Variants in DNHD1 observed in about 807,000 individuals in gnomAD.
DNHD1 encodes the protein dynein heavy chain domain-containing protein 1.
DNHD1 carries 383 observed loss-of-function variants against 458.1 expected under a neutral mutation model. The observed-to-expected ratio is 0.84, with a 90% CI of 0.77 to 0.91. The LOEUF (loss-of-function observed/expected upper bound fraction) is 0.91. DNHD1 is among the 40% of genes least tolerant of loss of function. DNHD1 has a pLI of 0.00. For missense variants in DNHD1, 5,336 were observed against 5,866.1 expected, an observed-to-expected ratio of 0.91 and a Z score of 2.95; for synonymous variants, 2,203 against 2,376.9, an observed-to-expected ratio of 0.93 and a Z score of 2.13.
chr11:6,566,326 A>AC lies in DNHD1; in HGVS notation c.11143dup (p.Gln3715ProfsTer26). 1 of 1,552,812 alleles carries AC rather than the reference A, an allele frequency of 6.4e-7. No homozygotes were observed. Among genetic ancestry groups the AC allele is most frequent in the Non-Finnish European group, 8.7e-7 (1 of 1,147,758 alleles). The stretch of plus-strand genomic sequence containing the variant: ...TGCTGCAACGGGAGCAGCTGAGTCC[A>AC]CCCCAGGTGCAGCCTGGCTTCTGTC... On this transcript the variant is annotated frameshift_variant, in exon 34 of 43. Coordinates refer to ENST00000254579, the MANE Select transcript of DNHD1 (RefSeq NM_144666.3). LOFTEE classifies it high-confidence loss of function.
intron 24 of DNHD1, among the ~76,000 whole-genome samples, chr11:6,551,218 C>T (rs1303288086): frequency 2.6e-5 from 4 of 152,100 alleles, no homozygotes; most frequent in African/African-American, 9.7e-5. Flanking sequence ...TTAAAATTAA[C>T]ACACTTCTAA....
At chr11:6,564,197 C>T in intron 31 of DNHD1, 73 bp downstream of exon 31, 1 of 1,490,458 alleles carries the variant, frequency 6.7e-7, no homozygotes, top group Non-Finnish European at 9.0e-7. Flanking sequence ...CCTGTGCCCT[C>T]ACTGCCTCCC....
chr11:6,570,077 G>C lies in DNHD1; in HGVS notation c.12932G>C (p.Arg4311Pro). ...DQLWASLSNP[R>P]AAMQELAASV... The stretch of plus-strand genomic sequence containing the variant: ...CTGTGGGCAAGTCTTAGCAATCCCC[G>C]TGCTGCCATGCAAGAGCTGGCTGGT... The change falls in exon 40 of 43, where the codon CGT becomes CCT. Residue 4311 changes from arginine (R) to proline (P), a missense_variant. By Grantham distance (103) the Arg-to-Pro change is moderately radical. Transcript: ENST00000254579. 10 of 1,613,938 alleles carry C rather than the reference G, an allele frequency of 6.2e-6. No individual in the cohort carries two copies. The highest frequency in any genetic ancestry group is 8.5e-6 in the Non-Finnish European group (10 of 1,179,872).
rs1853731071 is a variant in DNHD1, at chr11:6,567,374, G to C, written c.11865G>C (p.Leu3955=). ...ATGKASELER[L]ALWPGLAASP... Reference sequence around the variant, plus strand: ...GGAAAGCATCAGAGCTGGAAAGACTGGCACTCTGGCCTGGACTAGCAGCCT... The same window carrying C: ...GGAAAGCATCAGAGCTGGAAAGACTCGCACTCTGGCCTGGACTAGCAGCCT... Residue 3955 remains leucine, a synonymous_variant, in exon 36 of 43, where the codon CTG becomes CTC. Transcript: ENST00000254579. 1.9e-6 allele frequency: 3 copies of C among 1,613,992 alleles called. No homozygotes were observed. The East Asian group carries it at 6.7e-5, about 36-fold the overall frequency.
rs757412558 is a variant in DNHD1, at chr11:6,548,395, C to G, written c.7091C>G (p.Ser2364Cys). 1 of 1,551,716 alleles carries G rather than the reference C, an allele frequency of 6.4e-7. No individual in the cohort carries two copies. Among genetic ancestry groups the G allele is most frequent in the South Asian group, 1.2e-5 (1 of 84,062 alleles). The change falls in exon 23 of 43, where the codon TCT (serine) becomes TGT (cysteine). Residue 2364 changes from serine to cysteine, a missense_variant. Physicochemically the swap from Ser to Cys is moderately radical, Grantham distance 112. This residue lies in a region of DNHD1 where 3,932 missense variants were observed against 4,365.6 expected (regional missense o/e 0.90). Transcript: ENST00000254579. This position sits in a 1 kb window ranked among gnomAD's most constrained non-coding sequence, Gnocchi z 4.4. Reference sequence around the variant, plus strand: ...GGAACTTTGGGCACCTTTCACCCTTCTATCCAGGTGTGAGGACAGTAAGGC... The same window carrying G: ...GGAACTTTGGGCACCTTTCACCCTTGTATCCAGGTGTGAGGACAGTAAGGC... ...IKGTLGTFHPSIQTERLLYVV... is the reference protein window; with the variant it reads ...IKGTLGTFHPCIQTERLLYVV...
chr11:6,563,554 AT>A lies in DNHD1; in HGVS notation c.9847del (p.Tyr3283IlefsTer12). 6.4e-7 allele frequency: 1 copy of A among 1,551,624 alleles called. No homozygotes were observed. The highest frequency in any genetic ancestry group is 8.7e-7 in the Non-Finnish European group (1 of 1,146,974). ...GCCAAACAGCTGTTATGCACTGAGG[AT>A]TTTTATCAGGTAGGAAGGGTGGAGC... ...ASAKQLLCTE[D>X]FYQELVFFPK... On this transcript the variant is annotated frameshift_variant, in exon 30 of 43. Coordinates refer to ENST00000254579, the MANE Select transcript of DNHD1 (RefSeq NM_144666.3). LOFTEE classifies it high-confidence loss of function.
chr11:6,547,377 G>A lies in DNHD1; in HGVS notation c.6438G>A (p.Trp2146Ter), dbSNP rs1385070982. 2.6e-6 allele frequency: 4 copies of A among 1,551,774 alleles called. No homozygotes were observed. The highest frequency in any genetic ancestry group is 2.6e-6 in the Non-Finnish European group (3 of 1,147,006). The change falls in exon 21 of 43, where the codon TGG becomes TGA. Residue 2146 changes from tryptophan to a stop codon, truncating the protein, a stop_gained. Transcript: ENST00000254579. LOFTEE classifies it high-confidence loss of function. ...TGGTAGGCTGTTGTGCCCTAGTCTG[G>A]TGTGGTGGAGAGCAGACTTGGCAGT... ...PTVVGCCALV[W>*]CGGEQTWQCI...
chr11:6,548,688 GA>G lies in DNHD1; in HGVS notation c.7143del (p.Gln2382SerfsTer21). ...LYVVDLLLSG[G>X]QPVLLAGEAA... is the part of the protein sequence containing the mutation. ...GTGGTGGACCTGCTTCTGTCAGGGG[GA>G]CAGCCAGTGTTGCTGGCTGGAGAGG... On this transcript the variant is annotated frameshift_variant, in exon 24 of 43. Transcript: ENST00000254579. LOFTEE classifies it high-confidence loss of function. This position sits in a 1 kb window ranked among gnomAD's most constrained non-coding sequence, Gnocchi z 4.4. The G allele has an allele frequency of 6.4e-7, 1 of 1,551,616 alleles. No individual in the cohort carries two copies. Among genetic ancestry groups the G allele is most frequent in the Non-Finnish European group, 8.7e-7 (1 of 1,146,950 alleles).
chr11:6,567,492 C>T lies in DNHD1; in HGVS notation c.11983C>T (p.Leu3995=), dbSNP rs1162459332. The T allele has an allele frequency of 7.4e-6, 12 of 1,613,572 alleles. No homozygotes were observed. The highest frequency in any genetic ancestry group is 6.7e-5 in the East Asian group (3 of 44,870). ...KAWHECEMLE[L]LPPFVGLCAS... ...CTGGCATGAATGTGAGATGTTAGAGCTGCTGCCCCCATTTGTTGGCCTGTG... is the reference window on the plus strand; with the variant it reads ...CTGGCATGAATGTGAGATGTTAGAGTTGCTGCCCCCATTTGTTGGCCTGTG... Residue 3995 remains leucine (L), a synonymous_variant, in exon 36 of 43, where the codon CTG becomes TTG. Transcript: ENST00000254579.
At chr11:6,544,751 CT>C in intron 20 of DNHD1, 40 bp from the exon 21 acceptor site, 1 of 1,540,176 alleles carries the variant, frequency 6.5e-7, no homozygotes, top group Non-Finnish European at 8.8e-7. Context: ...GGAGCTGCCA[CT>C]TCATATTGGC....
At chr11:6,527,916 G>C (rs924134295) in intron 10 of DNHD1, among the ~76,000 whole-genome samples, 2 of 152,194 alleles carry the variant, frequency 1.3e-5, no homozygotes, top group Non-Finnish European at 2.9e-5. Context: ...GATAACTGAG[G>C]ACTGGCATGT....
Position 6,538,263 on chromosome 11 carries a change from C to T in DNHD1, c.2999-120C>T, listed in dbSNP as rs1853006534. 19 of 796,642 alleles carry T rather than the reference C, an allele frequency of 2.4e-5. 1 individual carries two copies. The South Asian group carries it at 3.1e-4, about 13-fold the overall frequency. The allele number at this position is 796,642 out of a possible 1,614,324, so 49.3% of individuals were successfully genotyped here. ...ACAATTTGGAACTCCACCTCCCCCA[C>T]CCCCAACCATCACTTTCTGGACCCT... On this transcript the variant is annotated intron_variant, in intron 14 of 42. Coordinates refer to ENST00000254579, the MANE Select transcript of DNHD1 (RefSeq NM_144666.3).
chr11:6,546,020 G>C lies in DNHD1; in HGVS notation c.5081G>C (p.Arg1694Thr), dbSNP rs1389956596. The change falls in exon 21 of 43, where the codon AGA becomes ACA. Residue 1694 changes from arginine to threonine, a missense_variant. Around this residue, in one of 4 missense-constraint regions of DNHD1, gnomAD observed 3,932 missense variants for 4,365.6 expected, o/e 0.90. Transcript: ENST00000254579. The stretch of plus-strand genomic sequence containing the variant: ...CTGGGTCCTAATGGTGTGGGCAAGA[G>C]AGCTATAGTGAACAGCCTGGCACAG... ...TVLGPNGVGK[R>T]AIVNSLAQAL... 2 of 1,551,604 alleles carry C rather than the reference G, an allele frequency of 1.3e-6. No individual in the cohort carries two copies. Among genetic ancestry groups the C allele is most frequent in the Non-Finnish European group, 1.7e-6 (2 of 1,146,876 alleles).
intron 35 of DNHD1, 45 bp from the exon 36 acceptor site, chr11:6,566,850 T>C (rs371515745): frequency 1.2e-4 from 197 of 1,599,070 alleles, no homozygotes; most frequent in Non-Finnish European, 1.6e-4. Context: ...ATGTTTGGGG[T>C]CTGTGGGAAA....
Position 6,564,819 on chromosome 11 carries a change from T to C in DNHD1, c.10756+15T>C, listed in dbSNP as rs1449634214. The C allele has an allele frequency of 9.3e-5, 138 of 1,489,066 alleles. 1 individual carries two copies. The highest frequency in any genetic ancestry group is 1.2e-4 in the Non-Finnish European group (133 of 1,111,216). 92.2% of individuals were successfully genotyped at this position (1,489,066 alleles called of 1,614,324 possible). A position where few individuals can be genotyped will look rare whatever the true frequency, so the allele number is the denominator to read the frequency against. ...TGAGGGTAGAGGTAAGCAGGCATAA[T>C]AAATGCAATGCTTCCGGAGTATCTG... is the stretch of plus-strand genomic sequence containing the variant. On this transcript the variant is annotated intron_variant, in intron 32 of 42. Coordinates refer to ENST00000254579, the MANE Select transcript of DNHD1 (RefSeq NM_144666.3).
At chr11:6,556,630 T>G in intron 24 of DNHD1, 53 bp from the exon 25 acceptor site, 1 of 1,463,444 alleles carries the variant, frequency 6.8e-7, no homozygotes, top group South Asian at 1.4e-5. Context: ...AACAGGTTGA[T>G]ACTCTCATGT....
Position 6,547,919 on chromosome 11 carries a change from T to C in DNHD1, c.6784T>C (p.Phe2262Leu). The C allele has an allele frequency of 6.4e-7, 1 of 1,551,896 alleles. No homozygotes were observed. Among genetic ancestry groups the C allele is most frequent in the East Asian group, 2.4e-5 (1 of 40,918 alleles). Residue 2262 changes from phenylalanine (F) to leucine (L), a missense_variant, in exon 22 of 43, where the codon TTT becomes CTT. Phe to Leu is a conservative substitution (Grantham distance 22). Around this residue, in one of 4 missense-constraint regions of DNHD1, gnomAD observed 3,932 missense variants for 4,365.6 expected, o/e 0.90. Transcript: ENST00000254579. ...AQSFRSSKSS[F>L]LNRSQVDSDD... ...AAGCTTCAGGTCTTCAAAAAGCAGC[T>C]TTCTAAACCGGTCCCAGGTTGACAG...
rs766960637 is a variant in DNHD1 at position 6,519,846 on chromosome 11, A to G, written c.1639A>G (p.Ile547Val). The change falls in exon 8 of 43, where the codon ATC (isoleucine) becomes GTC (valine). Residue 547 changes from isoleucine to valine, a missense_variant. Physicochemically the swap from Ile to Val is conservative, Grantham distance 29 (BLOSUM62 3). Coordinates refer to ENST00000254579, the MANE Select transcript of DNHD1 (RefSeq NM_144666.3). ...GCAGATAACCTCTTTTGTGGCCAACATCCTTCAAGTGAGGTGGTGGGTGGC... is the reference window on the plus strand; with the variant it reads ...GCAGATAACCTCTTTTGTGGCCAACGTCCTTCAAGTGAGGTGGTGGGTGGC... ...EEQITSFVANILQAPRQKPFL... is the reference protein window; with the variant it reads ...EEQITSFVANVLQAPRQKPFL... The G allele has an allele frequency of 2.5e-6, 4 of 1,612,686 alleles. No homozygotes were observed. The South Asian group carries it at 4.4e-5, about 18-fold the overall frequency.
At position 6,538,644 on chromosome 11, in the gene DNHD1, G is replaced by A. The variant is rs1853020597; in HGVS notation, c.3159G>A (p.Glu1053=). The A allele has an allele frequency of 6.5e-7, 1 of 1,545,686 alleles. No individual in the cohort carries two copies. The highest frequency in any genetic ancestry group is 2.0e-5 in the Admixed American group (1 of 50,786). ...FSPAMAQEKT[E]GWLTEAARMS... ...CAGCTATGGCCCAGGAGAAGACAGA[G>A]GGCTGGCTGACAGAGGCAGCACGGA... Residue 1053 remains glutamate (E), a synonymous_variant, in exon 16 of 43, where the codon GAG becomes GAA. Transcript: ENST00000254579.
Sources: allele counts gnomAD v4.1 joint callset (sites outside exome capture counted in the v4.1 genomes callset), GRCh38; gene constraint gnomAD v4.1.1; regional missense constraint gnomAD v4.1.1; non-coding constraint Gnocchi (gnomAD v3.1); transcripts MANE v1.5; gene names NCBI Gene and HGNC (gene_info 2026-07-23, HGNC 2026-07-21).